MRPS28: variants seen among roughly 807,000 people sequenced by gnomAD.
MRPS28 encodes mitochondrial ribosomal protein S28.
Under a neutral mutation model 10.8 loss-of-function variants are expected in MRPS28, and 7 were observed. That is an observed-to-expected ratio of 0.65 (90% CI 0.37 to 1.22). MRPS28 has a LOEUF of 1.22. Among genes scored for constraint, MRPS28 ranks in the 50% most tolerant of loss-of-function variants. MRPS28 has a pLI of 0.02. For synonymous variants in MRPS28, 121 were observed against 93.3 expected, an observed-to-expected ratio of 1.30 and a Z score of -1.71; for missense variants, 265 against 232.9, an observed-to-expected ratio of 1.14 and a Z score of -0.90.
At chr8:80,022,590 C>A (rs1809395503) in intron 1 of MRPS28, among the ~76,000 whole-genome samples, 2 of 152,202 alleles carry the variant, frequency 1.3e-5, no homozygotes, top group African/African-American at 2.4e-5. Context: ...ACAATGGAAT[C>A]TCCAAAGCTT....
chr8:80,028,025 G>GAAAGGAAAGGAAAGAGA (rs1809534469), intron 1 of MRPS28, among the ~76,000 whole-genome samples: 1 of 152,164 alleles, frequency 6.6e-6, no homozygotes. Flanking sequence ...AACTGCCTTG[G>GAAAGGAAAGGAAAGAGA]AAAGGAAAGG....
At chr8:79,940,616 C>T (rs367851318) in intron 2 of MRPS28, among the ~76,000 whole-genome samples, 4 of 152,208 alleles carry the variant, frequency 2.6e-5, no homozygotes, top group African/African-American at 9.6e-5. Context: ...AGCTTTCCCA[C>T]AGTATCCGGT....
At chr8:79,932,481 A>G (rs1385616413) in intron 2 of MRPS28, among the ~76,000 whole-genome samples, 1 of 152,184 alleles carries the variant, frequency 6.6e-6, no homozygotes, top group East Asian at 1.9e-4. Context: ...GGCCAGTGTG[A>G]CTGGAAAGTA....
At chr8:79,953,105 G>T (rs910418890) in intron 2 of MRPS28, among the ~76,000 whole-genome samples, 3 of 152,160 alleles carry the variant, frequency 2.0e-5, no homozygotes, top group Non-Finnish European at 4.4e-5. Context: ...TCGAGCCTGA[G>T]AACCTGTCAG....
intron 1 of MRPS28, among the ~76,000 whole-genome samples, chr8:80,004,145 T>C (rs1262500248): frequency 6.6e-6 from 1 of 152,176 alleles, no homozygotes; most frequent in Admixed American, 6.5e-5. Context: ...GTAGTGGTTC[T>C]CCCAGCACTG....
At chr8:79,983,845 A>G (rs1446789351) in intron 2 of MRPS28, among the ~76,000 whole-genome samples, 1 of 152,208 alleles carries the variant, frequency 6.6e-6, no homozygotes, top group Non-Finnish European at 1.5e-5. Flanking sequence ...GTTGGAAAAC[A>G]CTCTGCAGGA....
chr8:79,939,692 C>T (rs939151353), intron 2 of MRPS28, among the ~76,000 whole-genome samples: 3 of 151,988 alleles, frequency 2.0e-5, no homozygotes, highest in South Asian at 2.1e-4. Context: ...ATATGTTGGC[C>T]GGGCACGGTG....
intron 1 of MRPS28, among the ~76,000 whole-genome samples, chr8:80,027,039 C>A (rs149279379): frequency 8.7e-4 from 133 of 152,226 alleles, no homozygotes; most frequent in African/African-American, 3.2e-3. Flanking sequence ...CATCCCCCAC[C>A]AGAGCGGTAC....
intron 2 of MRPS28, among the ~76,000 whole-genome samples, chr8:79,988,914 T>A (rs977966220): frequency 6.6e-6 from 1 of 152,152 alleles, no homozygotes; most frequent in African/African-American, 2.4e-5. Flanking sequence ...TAAAATTGTA[T>A]AAAGCACTTC....
At chr8:79,987,219 C>T (rs1808211903) in intron 2 of MRPS28, among the ~76,000 whole-genome samples, 1 of 151,972 alleles carries the variant, frequency 6.6e-6, no homozygotes, top group African/African-American at 2.4e-5. Context: ...AACTGGCTAG[C>T]CATATGTAGA....
At chr8:79,971,859 C>T (rs935627209) in intron 2 of MRPS28, among the ~76,000 whole-genome samples, 5 of 152,034 alleles carry the variant, frequency 3.3e-5, no homozygotes, top group African/African-American at 4.8e-5. Flanking sequence ...CACGCCACCA[C>T]GTCTGGCTAA....
intron 2 of MRPS28, among the ~76,000 whole-genome samples, chr8:80,001,086 G>A (rs941816718): frequency 6.6e-6 from 1 of 152,138 alleles, no homozygotes; most frequent in African/African-American, 2.4e-5. Context: ...TTGAACATCT[G>A]CTGAGAAATA....
intron 2 of MRPS28, among the ~76,000 whole-genome samples, chr8:79,922,754 A>G (rs1810129045): frequency 1.3e-5 from 2 of 152,132 alleles, no homozygotes; most frequent in African/African-American, 4.8e-5. Flanking sequence ...AAAGTTAAAC[A>G]TCAACATTAT....
chr8:79,978,879 T>C (rs568150634), intron 2 of MRPS28, among the ~76,000 whole-genome samples: 3 of 152,324 alleles, frequency 2.0e-5, no homozygotes, highest in African/African-American at 7.2e-5. Flanking sequence ...CAAGAACATA[T>C]TACTTTAATG....
At position 80,030,168 on chromosome 8, in the gene MRPS28, C is replaced by G; in HGVS notation, c.81G>C (p.Arg27=). Residue 27 remains arginine, a synonymous_variant, in exon 1 of 3, where the codon CGG becomes CGC. Coordinates refer to ENST00000276585, the MANE Select transcript of MRPS28 (RefSeq NM_014018.3). ...CGGATCCACTCTCAGTGCCTACACC[C>G]CGAAAGGGCCTGAAGAAGAGAAACA... ...LRVFLFFRPF[R]GVGTESGSES... 1 of 1,613,676 alleles carries G rather than the reference C, an allele frequency of 6.2e-7. No homozygotes were observed. The highest frequency in any genetic ancestry group is 8.5e-7 in the Non-Finnish European group (1 of 1,180,046).
intron 2 of MRPS28, among the ~76,000 whole-genome samples, chr8:79,953,998 G>A (rs530196612): frequency 3.9e-5 from 6 of 152,210 alleles, no homozygotes; most frequent in South Asian, 2.1e-4. Flanking sequence ...TGCCCTACCA[G>A]AATGGCTATA....
intron 2 of MRPS28, among the ~76,000 whole-genome samples, chr8:79,937,508 C>T (rs369746486): frequency 7.9e-5 from 12 of 151,988 alleles, no homozygotes; most frequent in African/African-American, 2.2e-4. Context: ...TGATTTTCAA[C>T]GCCTGAAAAA....
chr8:79,969,376 T>C (rs1053751850), intron 2 of MRPS28, among the ~76,000 whole-genome samples: 1 of 152,082 alleles, frequency 6.6e-6, no homozygotes, highest in South Asian at 2.1e-4. Flanking sequence ...AGAAAGAAAA[T>C]ATTAAACATA....
At chr8:79,985,124 C>A (rs1395808117) in intron 2 of MRPS28, among the ~76,000 whole-genome samples, 3 of 152,170 alleles carry the variant, frequency 2.0e-5, no homozygotes, top group Admixed American at 6.5e-5. Context: ...AGGAAACTCA[C>A]TCAAAACCGC....
Sources: allele counts gnomAD v4.1 joint callset (sites outside exome capture counted in the v4.1 genomes callset), GRCh38; gene constraint gnomAD v4.1.1; transcripts MANE v1.5; gene names NCBI Gene and HGNC (gene_info 2026-07-23, HGNC 2026-07-21).